The following DDHD2 variants were observed in gnomAD, a reference collection of about 807,000 sequenced individuals.
DDHD2 encodes triacylglycerol hydrolase DDHD2.
DDHD2 carries 62 observed loss-of-function variants against 91.2 expected under a neutral mutation model. That is an observed-to-expected ratio of 0.68 (90% CI 0.55 to 0.84). DDHD2 has a LOEUF of 0.84. Among genes scored for constraint, DDHD2 ranks in the 40% least tolerant of loss-of-function variants. DDHD2 has a pLI of 0.00. For missense variants in DDHD2, 740 were observed against 846.9 expected (o/e 0.87, Z 1.57); for synonymous variants, 271 against 293.9 (o/e 0.92, Z 0.80).
At chr8:38,266,958 A>G (rs1215583198), downstream of DDHD2, 13 of 1,009,932 alleles carry the variant, frequency 1.3e-5, no homozygotes, top group Admixed American at 1.1e-4. Context: ...AAAATGCTTC[A>G]AAGTACCTGA....
At chr8:38,247,925 T>A (rs1004019342) in intron 10 of DDHD2, 90 bp downstream of exon 10, 3 of 1,006,640 alleles carry the variant, frequency 3.0e-6, no homozygotes, top group Admixed American at 5.6e-5. Context: ...TAGACACTTT[T>A]TAGTCATAAA....
chr8:38,238,649 AT>A (rs1804995947), intron 5 of DDHD2: 1 of 977,680 alleles, frequency 1.0e-6, no homozygotes, highest in Non-Finnish European at 1.2e-6. Flanking sequence ...GGATTATAAT[AT>A]TCCTTTTTTC....
At chr8:38,236,609 G>C (rs1381672225) in intron 3 of DDHD2, among the ~76,000 whole-genome samples, 1 of 151,890 alleles carries the variant, frequency 6.6e-6, no homozygotes, top group Admixed American at 6.6e-5. Flanking sequence ...TCTGCCTCCT[G>C]GGTTCAAGCG....
Position 38,242,347 on chromosome 8 carries a change from C to G in DDHD2, c.810C>G (p.Val270=). 1 of 1,611,040 alleles carries G rather than the reference C, an allele frequency of 6.2e-7. No individual in the cohort carries two copies. Among genetic ancestry groups the G allele is most frequent in the Non-Finnish European group, 8.5e-7 (1 of 1,179,086 alleles). ...QQIGRVEFLP[V]NWHSPLHSTG... The stretch of plus-strand genomic sequence containing the variant: ...TTGGGAGGGTAGAATTTCTTCCAGT[C>G]AACTGGCACAGTCCTTTGCATTCTA... Residue 270 remains valine, a synonymous_variant, in exon 7 of 18, where the codon GTC becomes GTG. Coordinates refer to ENST00000397166, the MANE Select transcript of DDHD2 (RefSeq NM_015214.3).
At chr8:38,267,779 C>A, downstream of DDHD2, 6 of 1,072,394 alleles carry the variant, frequency 5.6e-6, no homozygotes, top group Non-Finnish European at 8.3e-6. Context: ...AAAGAAAAAT[C>A]AGAGTGAAGA....
chr8:38,236,078 T>C (rs1804714474), intron 3 of DDHD2, among the ~76,000 whole-genome samples: 1 of 152,162 alleles, frequency 6.6e-6, no homozygotes, highest in African/African-American at 2.4e-5. Context: ...AGTGGCACGA[T>C]CTTGGCTCAT....
chr8:38,266,205 T>C, downstream of DDHD2: 1 of 1,613,782 alleles, frequency 6.2e-7, no homozygotes, highest in East Asian at 2.2e-5. Context: ...AAAGTAGAGG[T>C]GACAGAAAGG....
At chr8:38,242,458 T>C in intron 7 of DDHD2, 73 bp downstream of exon 7, 1 of 1,475,878 alleles carries the variant, frequency 6.8e-7, no homozygotes, top group East Asian at 2.3e-5. Flanking sequence ...CTTGGGGACG[T>C]TTTTATGCTA....
At chr8:38,270,777 A>G (rs1808438000) in intron 1 of DDHD2, 1 of 152,206 alleles carries the variant, frequency 6.6e-6, no homozygotes, top group African/African-American at 2.4e-5. Context: ...TTTGGCATCT[A>G]TTCTATTTTC....
At chr8:38,269,248 G>A in intron 1 of DDHD2, 2 of 1,399,078 alleles carry the variant, frequency 1.4e-6, no homozygotes, top group Non-Finnish European at 1.8e-6. Context: ...CACCTCCGCG[G>A]GGAGGGCCGG....
chr8:38,236,229 G>A (rs1804734495), intron 3 of DDHD2, among the ~76,000 whole-genome samples: 1 of 150,698 alleles, frequency 6.6e-6, no homozygotes, highest in Non-Finnish European at 1.5e-5. Flanking sequence ...AGCCAGGATG[G>A]TCTCAAGCTC....
chr8:38,248,963 C>G lies in DDHD2; in HGVS notation c.1249-745C>G, dbSNP rs1027407940. ...CCATCTCAAAAAAAAAAAAAAAAAACGATGAGTGACACTTGAGATCTTGAT... is the reference window on the plus strand; with the variant it reads ...CCATCTCAAAAAAAAAAAAAAAAAAGGATGAGTGACACTTGAGATCTTGAT... On this transcript the variant is annotated intron_variant, in intron 10 of 17. Coordinates refer to ENST00000397166, the MANE Select transcript of DDHD2 (RefSeq NM_015214.3). Among the ~76,000 whole-genome samples the G allele has an allele frequency of 5.8e-5, 8 of 138,372 alleles. No homozygotes were observed. The East Asian group carries it at 1.5e-3, about 26-fold the overall frequency. The allele number at this position is 138,372 out of a possible 152,430, so 90.8% of individuals were successfully genotyped here.
At chr8:38,265,264 C>CAAA (rs1228103198), downstream of DDHD2, among the ~76,000 whole-genome samples, 19 of 70,888 alleles carry the variant, frequency 2.7e-4, no homozygotes, top group African/African-American at 3.4e-4. Context: ...GACTCTGTCT[C>CAAA]AAAAAAAAAA....
intron 11 of DDHD2, chr8:38,250,234 G>A (rs1806007972): frequency 6.7e-6 from 1 of 150,226 alleles, no homozygotes; most frequent in African/African-American, 2.5e-5. Context: ...TCTCTTTCTA[G>A]AAATTAAACA....
At chr8:38,264,929 A>G (rs1563323989), downstream of DDHD2, 18 of 1,611,762 alleles carry the variant, frequency 1.1e-5, no homozygotes, top group Non-Finnish European at 1.5e-5. Flanking sequence ...TCATCTGCCC[A>G]TTTTCACCAT....
At chr8:38,260,259 G>C (rs768896560) in intron 17 of DDHD2, 112 bp downstream of exon 17, 66 of 556,290 alleles carry the variant, frequency 1.2e-4, no homozygotes, top group Non-Finnish European at 1.8e-4. Flanking sequence ...CTGTCACCAA[G>C]ATCTAGGCTG....
chr8:38,247,788 G>A lies in DDHD2; in HGVS notation c.1201G>A (p.Glu401Lys). Residue 401 changes from glutamate to lysine, a missense_variant, in exon 10 of 18, where the codon GAA becomes AAA. Physicochemically the swap from Glu to Lys is moderately conservative, Grantham distance 56 (BLOSUM62 1). Around this residue, in one of 2 missense-constraint regions of DDHD2, gnomAD observed 693 missense variants for 764.2 expected, o/e 0.91. Coordinates refer to ENST00000397166, the MANE Select transcript of DDHD2 (RefSeq NM_015214.3). ...EEDLKKLQLS[E>K]FFDIFEKEKV... ...AGATTTGAAGAAACTTCAGCTCTCT[G>A]AATTCTTTGATATCTTTGAGAAGGA... is the stretch of plus-strand genomic sequence containing the variant. 6.3e-7 allele frequency: 1 copy of A among 1,586,782 alleles called. No homozygotes were observed. Among genetic ancestry groups the A allele is most frequent in the Non-Finnish European group, 8.6e-7 (1 of 1,166,708 alleles).
chr8:38,251,855 C>A, intron 11 of DDHD2, 57 bp from the exon 12 acceptor site: 2 of 1,290,402 alleles, frequency 1.5e-6, no homozygotes, highest in Non-Finnish European at 2.3e-6. Context: ...GTAGCTGGGA[C>A]TACAGGTGCA....
At chr8:38,233,974 G>A (rs1469859481) in intron 2 of DDHD2, among the ~76,000 whole-genome samples, 3 of 151,880 alleles carry the variant, frequency 2.0e-5, no homozygotes, top group South Asian at 4.2e-4. Flanking sequence ...ATAGAGTGGG[G>A]TGCAGAAGAA....
Sources: allele counts gnomAD v4.1 joint callset (sites outside exome capture counted in the v4.1 genomes callset), GRCh38; gene constraint gnomAD v4.1.1; regional missense constraint gnomAD v4.1.1; transcripts MANE v1.5; gene names NCBI Gene and HGNC (gene_info 2026-07-23, HGNC 2026-07-21).